Variants in HNRNPA1L2 observed in about 807,000 individuals in gnomAD.
HNRNPA1L2 encodes the protein heterogeneous nuclear ribonucleoprotein A1-like 2.
In HNRNPA1L2, 10 loss-of-function variants were observed where a neutral mutation model predicts 18.2. That is an observed-to-expected ratio of 0.55 (90% CI 0.34 to 0.93). The LOEUF (loss-of-function observed/expected upper bound fraction) is 0.93. Ranked by LOEUF, HNRNPA1L2 falls within the 40% of genes least tolerant of loss-of-function variation. The pLI, the probability that HNRNPA1L2 is intolerant of heterozygous loss-of-function variation, is 0.02. For synonymous variants in HNRNPA1L2, 124 were observed against 138.6 expected (o/e 0.89, Z 0.74); for missense variants, 308 against 394.4 (o/e 0.78, Z 1.85).
chr13:52,619,282 C>G, the HNRNPA1L2 span, among the ~76,000 whole-genome samples: 1 of 151,674 alleles, frequency 6.6e-6, no homozygotes, highest in South Asian at 2.1e-4. Context: ...CATGAGCCAC[C>G]ACGCCCGGCC....
At chr13:52,617,991 A>G in the HNRNPA1L2 span, among the ~76,000 whole-genome samples, 1 of 152,134 alleles carries the variant, frequency 6.6e-6, no homozygotes, top group African/African-American at 2.4e-5. Context: ...TTGCTTCCCA[A>G]GATTTATGTG....
chr13:52,633,184 T>C, the HNRNPA1L2 span, among the ~76,000 whole-genome samples: 1 of 152,220 alleles, frequency 6.6e-6, no homozygotes, highest in African/African-American at 2.4e-5. Flanking sequence ...TGCTATTACA[T>C]AAAGACATAG....
upstream of HNRNPA1L2, among the ~76,000 whole-genome samples, chr13:52,638,490 A>G (rs1291159635): frequency 1.4e-5 from 2 of 147,622 alleles, no homozygotes; most frequent in African/African-American, 2.7e-5. Flanking sequence ...TAAAGAATGT[A>G]TTATCCTTAG....
At chr13:52,623,038 A>G in the HNRNPA1L2 span, among the ~76,000 whole-genome samples, 1 of 152,316 alleles carries the variant, frequency 6.6e-6, no homozygotes, top group East Asian at 1.9e-4. Context: ...TCTACATGGT[A>G]TCAAAAATAC....
upstream of HNRNPA1L2, chr13:52,642,424 TG>T: frequency 1.3e-6 from 2 of 1,583,276 alleles, no homozygotes; most frequent in Non-Finnish European, 1.7e-6. Context: ...CTAAGATCTC[TG>T]GTGGACTTTT....
At chr13:52,633,686 G>A in the HNRNPA1L2 span, among the ~76,000 whole-genome samples, 1 of 152,124 alleles carries the variant, frequency 6.6e-6, no homozygotes, top group African/African-American at 2.4e-5. Flanking sequence ...GGTGGTGCAT[G>A]CCTATAGTCC....
chr13:52,618,087 A>C, the HNRNPA1L2 span, among the ~76,000 whole-genome samples: 2 of 152,220 alleles, frequency 1.3e-5, no homozygotes, highest in African/African-American at 4.8e-5. Flanking sequence ...ATAAACCCCA[A>C]GTAAGACAGT....
the HNRNPA1L2 span, among the ~76,000 whole-genome samples, chr13:52,632,973 C>A: frequency 6.6e-6 from 1 of 152,192 alleles, no homozygotes; most frequent in Admixed American, 6.5e-5. Context: ...CACACATATA[C>A]CCTTAAGTAA....
chr13:52,636,491 A>G, the HNRNPA1L2 span, among the ~76,000 whole-genome samples: 1 of 152,182 alleles, frequency 6.6e-6, no homozygotes, highest in Non-Finnish European at 1.5e-5. Context: ...TAATTAGCCA[A>G]CTCACAGGGT....
chr13:52,637,904 A>G (rs1301727855), upstream of HNRNPA1L2, among the ~76,000 whole-genome samples: 3 of 152,182 alleles, frequency 2.0e-5, no homozygotes, highest in African/African-American at 7.2e-5. Context: ...GTTTCATAAT[A>G]TTTCAAGGAA....
chr13:52,635,416 TAG>T, the HNRNPA1L2 span, among the ~76,000 whole-genome samples: 3 of 151,088 alleles, frequency 2.0e-5, no homozygotes, highest in Non-Finnish European at 4.4e-5. Flanking sequence ...AGCCAAGGGA[TAG>T]AGAGTGATAT....
In HNRNPA1L2 at chr13:52,643,626, G is replaced by A. The variant is rs574591439; in HGVS notation, c.*171G>A. 1 of 627,074 alleles carries A rather than the reference G, an allele frequency of 1.6e-6. No homozygotes were observed. Among genetic ancestry groups the A allele is most frequent in the African/African-American group, 1.8e-5 (1 of 54,732 alleles). 38.8% of individuals were successfully genotyped at this position (627,074 alleles called of 1,614,324 possible). On this transcript the variant is annotated 3_prime_UTR_variant, in exon 1 of 1. Coordinates refer to ENST00000357495, the MANE Select transcript of HNRNPA1L2 (RefSeq NM_001389320.1). ...TGTATGGGCAAAAAACTCGAGGACT[G>A]TATTTGTGACTAATTGTATAACAGG...
the HNRNPA1L2 span, among the ~76,000 whole-genome samples, chr13:52,633,745 G>A: frequency 9.2e-5 from 14 of 152,258 alleles, no homozygotes; most frequent in South Asian, 1.7e-3. Flanking sequence ...CCCAGAATTC[G>A]ATGCTGCAAT....
At chr13:52,624,622 T>A in the HNRNPA1L2 span, among the ~76,000 whole-genome samples, 1 of 152,350 alleles carries the variant, frequency 6.6e-6, no homozygotes, top group South Asian at 2.1e-4. Context: ...TAACTTCTGA[T>A]AACGTTTTTT....
the HNRNPA1L2 span, among the ~76,000 whole-genome samples, chr13:52,623,957 G>A: frequency 6.6e-6 from 1 of 152,184 alleles, no homozygotes; most frequent in African/African-American, 2.4e-5. Flanking sequence ...AGGTCTGGCA[G>A]TTGATGCCAG....
At chr13:52,636,199 A>C in the HNRNPA1L2 span, among the ~76,000 whole-genome samples, 1 of 152,158 alleles carries the variant, frequency 6.6e-6, no homozygotes, top group Non-Finnish European at 1.5e-5. Context: ...CCAAATTACA[A>C]CCCACATTTG....
At chr13:52,636,445 G>T in the HNRNPA1L2 span, among the ~76,000 whole-genome samples, 1 of 152,202 alleles carries the variant, frequency 6.6e-6, no homozygotes, top group Non-Finnish European at 1.5e-5. Context: ...AATTTCAAAA[G>T]TAAAAAAGTT....
At chr13:52,642,317 A>C, upstream of HNRNPA1L2, 2 of 810,782 alleles carry the variant, frequency 2.5e-6, no homozygotes, top group Non-Finnish European at 4.0e-6. Flanking sequence ...CTTCCTGTAC[A>C]TACACTAAAA....
At chr13:52,638,158 T>C (rs957369934), upstream of HNRNPA1L2, among the ~76,000 whole-genome samples, 1 of 152,236 alleles carries the variant, frequency 6.6e-6, no homozygotes, top group African/African-American at 2.4e-5. Context: ...TAAATAAATC[T>C]ACTCCTTGTT....
Sources: allele counts gnomAD v4.1 joint callset (sites outside exome capture counted in the v4.1 genomes callset), GRCh38; gene constraint gnomAD v4.1.1; transcripts MANE v1.5; gene names NCBI Gene and HGNC (gene_info 2026-07-23, HGNC 2026-07-21).